The following COL13A1 variants were observed in gnomAD, a reference collection of about 807,000 sequenced individuals.
The protein encoded by COL13A1 is collagen alpha-1(XIII) chain.
In COL13A1, 89 loss-of-function variants were observed where a neutral mutation model predicts 130.9. The ratio of observed to expected loss-of-function variants is 0.68; its 90% CI spans 0.57 to 0.81. The LOEUF (loss-of-function observed/expected upper bound fraction) is 0.81. COL13A1 is among the 30% of genes least tolerant of loss of function. The probability of loss-of-function intolerance (pLI) is 0.00; values close to 1 mark genes in which losing one functional copy is unlikely to be tolerated. For missense variants in COL13A1, 879 were observed against 934.6 expected (o/e 0.94, Z 0.78); for synonymous variants, 402 against 341.6 (o/e 1.18, Z -1.95).
At chr10:69,833,973 T>G (rs916508135) in intron 2 of COL13A1, among the ~76,000 whole-genome samples, 4 of 152,172 alleles carry the variant, frequency 2.6e-5, no homozygotes, top group Non-Finnish European at 4.4e-5. Flanking sequence ...GGATGTGATG[T>G]ATCCAGCTGT....
chr10:69,949,476 C>T (rs367893384), intron 38 of COL13A1, among the ~76,000 whole-genome samples: 8 of 152,356 alleles, frequency 5.3e-5, no homozygotes, highest in South Asian at 2.1e-4. Flanking sequence ...GCCACCGCAC[C>T]TGGCCCAGAG....
Position 69,923,381 on chromosome 10 carries a change from G to T in COL13A1, c.1231-421G>T, listed in dbSNP as rs370737247. On this transcript the variant is annotated intron_variant, in intron 23 of 40. Transcript: ENST00000645393. ...CCCCAAAGCAGATGGCTCCTATGTT[G>T]CTTGGTTTACTTTAGCAGCACTGAG... 1.2e-4 allele frequency among the ~76,000 whole-genome samples: 18 copies of T among 152,318 alleles called. 1 individual carries two copies. The highest frequency in any genetic ancestry group is 3.8e-4 in the African/African-American group (16 of 41,566).
intron 18 of COL13A1, 43 bp downstream of exon 18, chr10:69,917,376 TC>T: frequency 6.4e-7 from 1 of 1,556,800 alleles, no homozygotes; most frequent in African/African-American, 1.4e-5. Flanking sequence ...CCAAGGCCCC[TC>T]CCCCAGTGCC....
intron 40 of COL13A1, among the ~76,000 whole-genome samples, chr10:69,957,275 A>G (rs2136467129): frequency 1.3e-5 from 2 of 152,370 alleles, no homozygotes; most frequent in East Asian, 3.9e-4. Context: ...ATGCAGCCAC[A>G]CAGGTGACAT....
chr10:69,826,655 CAAGT>C (rs1441100061), intron 2 of COL13A1, among the ~76,000 whole-genome samples: 1 of 152,142 alleles, frequency 6.6e-6, no homozygotes, highest in African/African-American at 2.4e-5. Flanking sequence ...AACAAATAAG[CAAGT>C]AGGAAGGCAT....
At chr10:69,935,322 T>C (rs1190339029) in intron 31 of COL13A1, 28 bp from the exon 32 acceptor site, 1 of 1,568,130 alleles carries the variant, frequency 6.4e-7, no homozygotes, top group Admixed American at 1.8e-5. Flanking sequence ...CCACTTCAAA[T>C]GTAACAGGGC....
intron 2 of COL13A1, among the ~76,000 whole-genome samples, chr10:69,838,901 C>T (rs1337323909): frequency 6.6e-6 from 1 of 152,216 alleles, no homozygotes; most frequent in African/African-American, 2.4e-5. Context: ...AGTAGCTTGG[C>T]GAAGCCAGTG....
At chr10:69,812,931 T>C (rs971449948) in intron 1 of COL13A1, among the ~76,000 whole-genome samples, 1 of 152,188 alleles carries the variant, frequency 6.6e-6, no homozygotes, top group African/African-American at 2.4e-5. Flanking sequence ...GACTAGTCCA[T>C]GCCCCGGCTG....
At chr10:69,846,842 C>A (rs1467279123) in intron 2 of COL13A1, among the ~76,000 whole-genome samples, 1 of 152,194 alleles carries the variant, frequency 6.6e-6, no homozygotes, top group Admixed American at 6.5e-5. Flanking sequence ...CCGGGGTGTG[C>A]AGACACGTGG....
intron 30 of COL13A1, among the ~76,000 whole-genome samples, chr10:69,931,493 C>G (rs1299345425): frequency 1.3e-5 from 2 of 152,162 alleles, no homozygotes; most frequent in African/African-American, 4.8e-5. Flanking sequence ...TCTAGGAGCA[C>G]CAACCTAGTT....
chr10:69,894,765 G>A lies in COL13A1; in HGVS notation c.657+64G>A, dbSNP rs1315244995. ...GAAATGGCCTCCCAGTTGGTAGAAA[G>A]GGGTCAATTATGGTTATTTTCAAAC... On this transcript the variant is annotated intron_variant, in intron 12 of 40. Coordinates refer to ENST00000645393, the MANE Select transcript of COL13A1 (RefSeq NM_001368882.1). 2.5e-6 allele frequency: 4 copies of A among 1,597,816 alleles called. No individual in the cohort carries two copies. The Admixed American group carries it at 6.7e-5, about 27-fold the overall frequency.
rs866520269 is a variant in COL13A1, at chr10:69,888,323, G to A, written c.569G>A (p.Gly190Asp). ...PGFPGPIGLDGKPGHPGPKGD... is the reference protein window; with the variant it reads ...PGFPGPIGLDDKPGHPGPKGD... ...TTTCAGGGTCCCATTGGGCTGGACG[G>A]CAAACCGGTAAGTGGACCCGCTCTC... The change falls in exon 9 of 41, where the codon GGC (glycine) becomes GAC (aspartate). Residue 190 changes from glycine to aspartate, a missense_variant. Gly to Asp is a moderately conservative substitution (Grantham distance 94, BLOSUM62 -1). Transcript: ENST00000645393. 6.2e-7 allele frequency: 1 copy of A among 1,612,296 alleles called. No individual in the cohort carries two copies. Among genetic ancestry groups the A allele is most frequent in the Non-Finnish European group, 8.5e-7 (1 of 1,179,192 alleles).
intron 13 of COL13A1, chr10:69,897,622 A>G: frequency 7.0e-7 from 1 of 1,433,010 alleles, no homozygotes; most frequent in Non-Finnish European, 9.7e-7. Flanking sequence ...AGGCCCCGGC[A>G]GTGGGAGCGG....
chr10:69,802,863 G>C, intron 1 of COL13A1, 146 bp downstream of exon 1: 1 of 1,040,034 alleles, frequency 9.6e-7, no homozygotes, highest in East Asian at 2.5e-5. Context: ...TCGGGGACAC[G>C]GACAGACGCT....
chr10:69,953,450 G>C (rs1006014141), intron 39 of COL13A1, among the ~76,000 whole-genome samples: 2 of 152,170 alleles, frequency 1.3e-5, no homozygotes, highest in African/African-American at 4.8e-5. Flanking sequence ...AAACTGGGCA[G>C]AACAAGGCCA....
At chr10:69,899,060 G>T (rs1379111620) in intron 14 of COL13A1, among the ~76,000 whole-genome samples, 2 of 152,212 alleles carry the variant, frequency 1.3e-5, no homozygotes, top group East Asian at 3.8e-4. Context: ...ACAGTTTTAT[G>T]AATTAGGCAT....
At chr10:69,923,708 C>T (rs1422994357) in intron 23 of COL13A1, 94 bp from the exon 24 acceptor site, 16 of 1,488,960 alleles carry the variant, frequency 1.1e-5, no homozygotes, top group Non-Finnish European at 1.5e-5. Context: ...TCCAAGGCAA[C>T]ATCTAGGCAT....
intron 17 of COL13A1, among the ~76,000 whole-genome samples, chr10:69,907,143 T>A (rs2062846500): frequency 6.6e-6 from 1 of 152,256 alleles, no homozygotes; most frequent in South Asian, 2.1e-4. Flanking sequence ...TTATAATAAC[T>A]GTAATAGCAA....
intron 2 of COL13A1, among the ~76,000 whole-genome samples, chr10:69,830,702 G>T (rs960400078): frequency 6.6e-6 from 1 of 152,096 alleles, no homozygotes; most frequent in Non-Finnish European, 1.5e-5. Flanking sequence ...TGGTGGGTAC[G>T]CCAGGTTCAG....
Sources: allele counts gnomAD v4.1 joint callset (sites outside exome capture counted in the v4.1 genomes callset), GRCh38; gene constraint gnomAD v4.1.1; transcripts MANE v1.5; gene names NCBI Gene and HGNC (gene_info 2026-07-23, HGNC 2026-07-21).